Variants in SGPL1 observed in about 807,000 individuals in gnomAD.
SGPL1 encodes sphingosine-1-phosphate lyase 1.
A neutral mutation model predicts 68.9 loss-of-function variants in SGPL1; 37 were observed. The observed-to-expected ratio is 0.54, with a 90% CI of 0.41 to 0.71. SGPL1 has a LOEUF of 0.71. Among genes scored for constraint, SGPL1 ranks in the 30% least tolerant of loss-of-function variants. The pLI, the probability that SGPL1 is intolerant of heterozygous loss-of-function variation, is 0.00. For synonymous variants in SGPL1, 236 were observed against 248.5 expected, an observed-to-expected ratio of 0.95 and a Z score of 0.47; for missense variants, 551 against 704.6, an observed-to-expected ratio of 0.78 and a Z score of 2.47.
At chr10:70,825,243 A>G (rs1363411992) in intron 2 of SGPL1, among the ~76,000 whole-genome samples, 2 of 152,122 alleles carry the variant, frequency 1.3e-5, no homozygotes, top group South Asian at 2.1e-4. Flanking sequence ...AAATACTTCA[A>G]ACTCTTTTGC....
chr10:70,827,771 C>T (rs561136212), intron 2 of SGPL1, among the ~76,000 whole-genome samples: 1 of 152,088 alleles, frequency 6.6e-6, no homozygotes, highest in South Asian at 2.1e-4. Flanking sequence ...ACTTCCAGAT[C>T]AAGATATTAA....
chr10:70,877,978 C>G lies in SGPL1; in HGVS notation c.*643C>G, dbSNP rs1846428735. On this transcript the variant is annotated 3_prime_UTR_variant, in exon 15 of 15. Coordinates refer to ENST00000373202, the MANE Select transcript of SGPL1 (RefSeq NM_003901.4). ...TACCGGCACCCACCACCACGCCTGG[C>G]TAATTTTTCAATTTTCTTTTTCAGT... 1 of 152,204 alleles carries G rather than the reference C, an allele frequency of 6.6e-6. No individual in the cohort carries two copies. Among genetic ancestry groups the G allele is most frequent in the Non-Finnish European group, 1.5e-5 (1 of 68,098 alleles). The allele number at this position is 152,204 out of a possible 1,614,324, so 9.4% of individuals were successfully genotyped here. A position where few individuals can be genotyped will look rare whatever the true frequency, so the allele number is the denominator to read the frequency against.
At chr10:70,846,174 C>A (rs1336838528) in intron 3 of SGPL1, among the ~76,000 whole-genome samples, 1 of 152,162 alleles carries the variant, frequency 6.6e-6, no homozygotes, top group Non-Finnish European at 1.5e-5. Context: ...GCTCCTAGTC[C>A]TTGCAAGATT....
At chr10:70,824,906 C>T (rs139314463) in intron 2 of SGPL1, among the ~76,000 whole-genome samples, 2,752 of 151,684 alleles carry the variant, frequency 0.018, 61 homozygotes, top group African/African-American at 0.056. Flanking sequence ...ATACATTTTT[C>T]AGGTAGGCAC....
intron 7 of SGPL1, chr10:70,860,612 G>A (rs1019387190): frequency 1.4e-5 from 5 of 361,584 alleles, no homozygotes; most frequent in African/African-American, 6.4e-5. Flanking sequence ...TGTACTTACA[G>A]TATATTCTCC....
intron 5 of SGPL1, among the ~76,000 whole-genome samples, chr10:70,855,158 A>G (rs895951618): frequency 1.3e-5 from 2 of 152,248 alleles, no homozygotes; most frequent in Non-Finnish European, 2.9e-5. Flanking sequence ...ATACAAATGA[A>G]ATACAGATCC....
chr10:70,873,671 C>A, intron 12 of SGPL1, 82 bp downstream of exon 12: 2 of 1,023,518 alleles, frequency 2.0e-6, no homozygotes, highest in Non-Finnish European at 3.1e-6. Flanking sequence ...GGCTAAGTAT[C>A]CATAGCCCTA....
At chr10:70,861,505 T>C (rs1162700597) in intron 7 of SGPL1, among the ~76,000 whole-genome samples, 1 of 152,190 alleles carries the variant, frequency 6.6e-6, no homozygotes, top group Non-Finnish European at 1.5e-5. Flanking sequence ...CCTCGCTCGC[T>C]CTCGGCGCCT....
At chr10:70,844,867 G>A (rs542824502) in intron 3 of SGPL1, among the ~76,000 whole-genome samples, 1 of 152,032 alleles carries the variant, frequency 6.6e-6, no homozygotes, top group Admixed American at 6.6e-5. Context: ...GGCCTCCCGA[G>A]TAGCTGGGAC....
chr10:70,848,267 G>A (rs139780294), intron 3 of SGPL1, among the ~76,000 whole-genome samples: 194 of 152,262 alleles, frequency 1.3e-3, no homozygotes, highest in African/African-American at 4.6e-3. Context: ...TCTTTTGCAT[G>A]AGTGGAATTT....
In SGPL1 at chr10:70,869,873, G is replaced by A. The variant is rs1846261010; in HGVS notation, c.786G>A (p.Thr262=). The change falls in exon 9 of 15, where the codon ACG becomes ACA. Residue 262 remains threonine (T), a synonymous_variant. Transcript: ENST00000373202. ...FGMKIVRVPL[T]KMMEVDVRAM... ...TGAAGATTGTGCGGGTCCCATTGACGAAGATGATGGAGGTGGATGTGCGGG... is the reference window on the plus strand; with the variant it reads ...TGAAGATTGTGCGGGTCCCATTGACAAAGATGATGGAGGTGGATGTGCGGG... 2 of 1,613,982 alleles carry A rather than the reference G, an allele frequency of 1.2e-6. No homozygotes were observed. Among genetic ancestry groups the A allele is most frequent in the Non-Finnish European group, 1.7e-6 (2 of 1,179,934 alleles).
chr10:70,819,116 G>T (rs1375213193), intron 2 of SGPL1, among the ~76,000 whole-genome samples: 1 of 152,172 alleles, frequency 6.6e-6, no homozygotes, highest in East Asian at 1.9e-4. Flanking sequence ...TACTTATAGG[G>T]CCTATGCATT....
Position 70,836,459 on chromosome 10 carries a change from C to G in SGPL1, c.28-8014C>G, listed in dbSNP as rs550943413. Among the ~76,000 whole-genome samples, 6 of 152,288 alleles carry G rather than the reference C, an allele frequency of 3.9e-5. No individual in the cohort carries two copies. The South Asian group carries it at 1.2e-3, about 32-fold the overall frequency. On this transcript the variant is annotated intron_variant, in intron 2 of 14. Coordinates refer to ENST00000373202, the MANE Select transcript of SGPL1 (RefSeq NM_003901.4). The stretch of plus-strand genomic sequence containing the variant: ...CTTAACCTTTCTTGACTTCAGTTTT[C>G]CCCATCTATAGAGTGATACTGCACA...
intron 7 of SGPL1, among the ~76,000 whole-genome samples, chr10:70,860,102 TAAAG>T (rs1846025582): frequency 6.6e-6 from 1 of 152,380 alleles, no homozygotes; most frequent in African/African-American, 2.4e-5. Context: ...TCATTATATT[TAAAG>T]AAACACATGA....
chr10:70,827,783 C>T (rs1023235614), intron 2 of SGPL1, among the ~76,000 whole-genome samples: 2 of 152,110 alleles, frequency 1.3e-5, no homozygotes, highest in Admixed American at 1.3e-4. Context: ...AGATATTAAA[C>T]ATTTCCAGCA....
intron 2 of SGPL1, among the ~76,000 whole-genome samples, chr10:70,827,162 T>C (rs558722598): frequency 1.3e-5 from 2 of 152,354 alleles, no homozygotes; most frequent in African/African-American, 4.8e-5. Flanking sequence ...TGAGAGTTAT[T>C]TCCACCCAAC....
At chr10:70,862,275 T>A (rs1178493477) in intron 7 of SGPL1, among the ~76,000 whole-genome samples, 1 of 152,204 alleles carries the variant, frequency 6.6e-6, no homozygotes, top group Non-Finnish European at 1.5e-5. Flanking sequence ...ATCGACACTC[T>A]GTATCTCGCT....
intron 2 of SGPL1, among the ~76,000 whole-genome samples, chr10:70,840,101 G>C (rs1845691397): frequency 6.6e-6 from 1 of 151,934 alleles, no homozygotes; most frequent in Admixed American, 6.6e-5. Flanking sequence ...ATCCTGCCAA[G>C]AACATAAATT....
chr10:70,863,951 G>T (rs1846130077), intron 7 of SGPL1, among the ~76,000 whole-genome samples: 1 of 152,080 alleles, frequency 6.6e-6, no homozygotes, highest in Admixed American at 6.5e-5. Flanking sequence ...AGTCTGAAGG[G>T]TCTGGTGCCA....
Sources: gnomAD v4.1 joint callset for allele counts (sites outside exome capture counted in the v4.1 genomes callset) on GRCh38, gnomAD v4.1.1 for gene constraint, MANE v1.5 for transcripts, NCBI Gene and HGNC (gene_info 2026-07-23, HGNC 2026-07-21) for gene names.